The following FER variants were observed in gnomAD, a reference collection of about 807,000 sequenced individuals.
FER encodes the protein tyrosine-protein kinase Fer.
In FER, 63 loss-of-function variants were observed where a neutral mutation model predicts 111.0. The observed-to-expected ratio is 0.57, with a 90% confidence interval of 0.46 to 0.70. The LOEUF is 0.70. Ranked by LOEUF, FER falls within the 30% of genes least tolerant of loss-of-function variation. FER has a pLI of 0.00. For missense variants in FER, 914 were observed against 954.0 expected, an observed-to-expected ratio of 0.96 and a Z score of 0.55; for synonymous variants, 327 against 313.9, an observed-to-expected ratio of 1.04 and a Z score of -0.44.
chr5:109,005,589 T>C (rs1182775889), intron 13 of FER, among the ~76,000 whole-genome samples: 1 of 152,150 alleles, frequency 6.6e-6, no homozygotes, highest in East Asian at 1.9e-4. Flanking sequence ...TTCTAGTAAA[T>C]ATAGAAAACA....
At chr5:108,969,616 T>TTTTTTTTTTTTTTTTTTTGAGACGGA (rs1561695264) in intron 13 of FER, among the ~76,000 whole-genome samples, 6 of 149,048 alleles carry the variant, frequency 4.0e-5, no homozygotes, top group African/African-American at 1.6e-4. Context: ...TTAATTTTTT[T>TTTTTTTTTTTTTTTTTTTGAGACGGA]GAACACTGTG....
At chr5:108,993,634 TGAGGG>T (rs1763606763) in intron 13 of FER, among the ~76,000 whole-genome samples, 1 of 105,248 alleles carries the variant, frequency 9.5e-6, no homozygotes, top group African/African-American at 4.2e-5. Context: ...AGGGCGAGGG[TGAGGG>T]CGAGGGCGAG....
At position 109,011,219 on chromosome 5, in the gene FER, AG is replaced by A. The variant is rs553004369; in HGVS notation, c.1657-26202del. Among the ~76,000 whole-genome samples the A allele has an allele frequency of 9.1e-3, 1,381 of 152,274 alleles. 15 individuals carry two copies. The highest frequency in any genetic ancestry group is 0.031 in the African/African-American group (1,308 of 41,544). ...TTAGAAATTCTTCTAAGACTTAAAAAGTGGGACAAAGAACAGAATTCAGTGA... is the reference window on the plus strand; with the variant it reads ...TTAGAAATTCTTCTAAGACTTAAAAATGGGACAAAGAACAGAATTCAGTGA... On this transcript the variant is annotated intron_variant, in intron 13 of 19. Coordinates refer to ENST00000281092, the MANE Select transcript of FER (RefSeq NM_005246.4).
At chr5:108,835,828 T>TCACCTAAGTAAACAA in intron 5 of FER, 21 bp downstream of exon 5, 1 of 1,390,470 alleles carries the variant, frequency 7.2e-7, no homozygotes, top group Non-Finnish European at 9.8e-7. Flanking sequence ...ATTTTAAAAA[T>TCACCTAAGTAAACAA]TGTTTACTTA....
chr5:108,883,282 T>A, intron 8 of FER, 114 bp from the exon 9 acceptor site: 1 of 988,508 alleles, frequency 1.0e-6, no homozygotes, highest in Non-Finnish European at 1.4e-6. Context: ...TTGAATCAGA[T>A]TATATGTGGC....
Position 109,115,819 on chromosome 5 carries a change from TACAC to T in FER, c.2048+15302_2048+15305del, listed in dbSNP as rs1298278178. ...TAATTCAAAATTATAAAAAATCACT[TACAC>T]AAATACTACTGTAAACTCTTTCCTT... On this transcript the variant is annotated intron_variant, in intron 17 of 19. Coordinates refer to ENST00000281092, the MANE Select transcript of FER (RefSeq NM_005246.4). Among the ~76,000 whole-genome samples the T allele has an allele frequency of 2.0e-5, 3 of 152,224 alleles. No individual in the cohort carries two copies. The East Asian group carries it at 5.8e-4, about 29-fold the overall frequency.
intron 9 of FER, among the ~76,000 whole-genome samples, chr5:108,888,189 CA>C (rs1192553454): frequency 2.0e-5 from 3 of 151,736 alleles, no homozygotes; most frequent in Non-Finnish European, 4.4e-5. Context: ...AGGAACCTTA[CA>C]TTTTTTTCCT....
intron 10 of FER, among the ~76,000 whole-genome samples, chr5:108,944,108 TACAC>T (rs34138754): frequency 0.12 from 17,192 of 145,604 alleles, 1,040 homozygotes; most frequent in Middle Eastern, 0.16. Flanking sequence ...TGTGTATGTG[TACAC>T]ACACACACAC....
At chr5:109,122,642 G>A (rs1181867118) in intron 17 of FER, among the ~76,000 whole-genome samples, 1 of 146,668 alleles carries the variant, frequency 6.8e-6, no homozygotes, top group Non-Finnish European at 1.5e-5. Flanking sequence ...CTGTATGGAT[G>A]GTATGTCCAA....
chr5:108,850,704 T>C (rs1439663106), intron 5 of FER, among the ~76,000 whole-genome samples: 2 of 152,194 alleles, frequency 1.3e-5, no homozygotes, highest in African/African-American at 2.4e-5. Context: ...TGTATTCTGT[T>C]TATTACAGTA....
chr5:109,041,099 A>G (rs1003814989), intron 14 of FER, among the ~76,000 whole-genome samples: 2 of 152,170 alleles, frequency 1.3e-5, no homozygotes, highest in African/African-American at 4.8e-5. Flanking sequence ...CTAAAGAAAT[A>G]TAATATGATT....
At chr5:109,053,574 T>TA (rs11420126) in intron 16 of FER, among the ~76,000 whole-genome samples, 70,887 of 151,644 alleles carry the variant, frequency 0.47, 17,028 homozygotes, top group African/African-American at 0.52. Context: ...TCAGAACTCT[T>TA]AAAAATAGAA....
rs368262339 is a variant in FER at position 109,117,703 on chromosome 5, C to A, written c.2048+17184C>A. The stretch of plus-strand genomic sequence containing the variant: ...TTTCCTTGAGCAGTGGTTTGTAGTT[C>A]TCCTTGAAGAGGTCCTTCACATCCC... On this transcript the variant is annotated intron_variant, in intron 17 of 19. Coordinates refer to ENST00000281092, the MANE Select transcript of FER (RefSeq NM_005246.4). Among the ~76,000 whole-genome samples, 77 of 151,574 alleles carry A rather than the reference C, an allele frequency of 5.1e-4. No individual in the cohort carries two copies. In the East Asian group the frequency reaches 0.014, roughly 28 times the overall value.
intron 13 of FER, among the ~76,000 whole-genome samples, chr5:109,011,778 C>T (rs1187716377): frequency 6.6e-6 from 1 of 152,118 alleles, no homozygotes; most frequent in African/African-American, 2.4e-5. Context: ...AGGGCTGCTT[C>T]CTCTTTTATT....
chr5:108,996,038 A>G (rs763821714), intron 13 of FER, among the ~76,000 whole-genome samples: 13 of 152,054 alleles, frequency 8.5e-5, no homozygotes, highest in Admixed American at 2.6e-4. Context: ...TTTTCTTCGT[A>G]TGTTTGTTGG....
intron 16 of FER, among the ~76,000 whole-genome samples, chr5:109,067,926 A>G (rs948482794): frequency 6.6e-5 from 10 of 152,180 alleles, no homozygotes; most frequent in African/African-American, 2.2e-4. Flanking sequence ...AAAAGCAGGT[A>G]TGTATAGGAG....
At chr5:109,174,955 T>C (rs898281052) in intron 17 of FER, among the ~76,000 whole-genome samples, 1 of 152,166 alleles carries the variant, frequency 6.6e-6, no homozygotes, top group African/African-American at 2.4e-5. Context: ...TTGATTAGCT[T>C]CCTGGGCTTC....
At position 109,195,366 on chromosome 5, in the gene FER, C is replaced by T. The variant is rs563702794; in HGVS notation, c.*7791C>T. ...AGAAAATAACTTGTCATAATTCCAC[C>T]TTAGATTCTAGACCTCTCATACCTG... On this transcript the variant is annotated 3_prime_UTR_variant, in exon 20 of 20. Transcript: ENST00000281092. 6.6e-5 allele frequency: 10 copies of T among 152,282 alleles called. No individual in the cohort carries two copies. Among genetic ancestry groups the T allele is most frequent in the African/African-American group, 2.4e-4 (10 of 41,548 alleles). 9.4% of individuals were successfully genotyped at this position (152,282 alleles called of 1,614,324 possible).
chr5:108,829,536 A>C (rs1175720150), intron 3 of FER, among the ~76,000 whole-genome samples: 1 of 152,106 alleles, frequency 6.6e-6, no homozygotes, highest in Non-Finnish European at 1.5e-5. Flanking sequence ...CTCCTTGGAA[A>C]GCCGAAGTGG....
Sources: allele counts gnomAD v4.1 joint callset (sites outside exome capture counted in the v4.1 genomes callset), GRCh38; gene constraint gnomAD v4.1.1; transcripts MANE v1.5; gene names NCBI Gene and HGNC (gene_info 2026-07-23, HGNC 2026-07-21).